The following MUC4 variants were observed in gnomAD, a reference collection of about 807,000 sequenced individuals.
The protein encoded by MUC4 is mucin-4.
MUC4 carries 202 observed loss-of-function variants against 257.9 expected under a neutral mutation model. The observed-to-expected ratio is 0.78, with a 90% CI of 0.70 to 0.88. MUC4 has a LOEUF of 0.88. MUC4 is among the 40% of genes least tolerant of loss of function. The probability of loss-of-function intolerance (pLI) is 0.00; values close to 1 mark genes in which losing one functional copy is unlikely to be tolerated. For missense variants in MUC4, 5,976 were observed against 6,513.7 expected (o/e 0.92, Z 2.84); for synonymous variants, 2,351 against 2,757.1 (o/e 0.85, Z 4.62).
rs1347283959 is a variant in MUC4 at position 195,781,034 on chromosome 3, C to T, written c.10546G>A (p.Gly3516Ser). 1,169 of 1,508,662 alleles carry T rather than the reference C, an allele frequency of 7.7e-4. 139 individuals carry two copies. The African/African-American group carries it at 0.017, about 22-fold the overall frequency. 93.5% of individuals were successfully genotyped at this position (1,508,662 alleles called of 1,614,324 possible). Residue 3516 changes from glycine to serine, a missense_variant, in exon 2 of 25, where the codon GGT becomes AGT. Gly to Ser is a moderately conservative substitution (Grantham distance 56, BLOSUM62 0). This residue lies in a region of MUC4 where 297 missense variants were observed against 240.9 expected (regional missense o/e 1.23). Coordinates refer to ENST00000463781, the MANE Select transcript of MUC4 (RefSeq NM_018406.7). ...PVTGASSAST[G>S]HATPLPVTDT... is the part of the protein sequence containing the mutation. ...GTGACAGGAAGAGGGGTGGCGTGACCGGTGGATGCTGAGGAAGCGCCGGTG... is the reference window on the plus strand; with the variant it reads ...GTGACAGGAAGAGGGGTGGCGTGACTGGTGGATGCTGAGGAAGCGCCGGTG...
intron 19 of MUC4, chr3:195,753,832 C>T (rs1434865125): frequency 4.3e-6 from 1 of 230,704 alleles, no homozygotes; most frequent in African/African-American, 2.3e-5. Context: ...TCTGAAGATC[C>T]CCAGGGATCC....
At position 195,788,830 on chromosome 3, in the gene MUC4, C is replaced by T. The variant is rs372277800; in HGVS notation, c.2750G>A (p.Arg917Lys). ...CGCCAGGCTGATAGTGTCAGACCCTCTGCTGGTTCTTGTCCTCTGAGTCTG... is the reference window on the plus strand; with the variant it reads ...CGCCAGGCTGATAGTGTCAGACCCTTTGCTGGTTCTTGTCCTCTGAGTCTG... The part of the protein sequence containing the change: ...MAQTQRTRTS[R>K]GSDTISLASQ... The change falls in exon 2 of 25, where the codon AGA (arginine) becomes AAA (lysine). Residue 917 changes from arginine (R) to lysine (K), a missense_variant. Coordinates refer to ENST00000463781, the MANE Select transcript of MUC4 (RefSeq NM_018406.7). 115 of 1,613,902 alleles carry T rather than the reference C, an allele frequency of 7.1e-5. 1 individual carries two copies. The African/African-American group carries it at 1.3e-3, about 18-fold the overall frequency.
chr3:195,805,298 C>G (rs1314807461), intron 1 of MUC4, among the ~76,000 whole-genome samples: 1 of 152,176 alleles, frequency 6.6e-6, no homozygotes. Context: ...GTGGCAGCAC[C>G]CAGCCACTCT....
intron 18 of MUC4, among the ~76,000 whole-genome samples, chr3:195,756,662 TTTTC>T (rs1717735787): frequency 6.7e-6 from 1 of 148,862 alleles, no homozygotes; most frequent in Non-Finnish European, 1.5e-5. Context: ...TTTTCTTTTC[TTTTC>T]TTTTCTTTCT....
rs201319965 is a variant in MUC4, at chr3:195,781,583, T to C, written c.9997A>G (p.Ser3333Gly). ...TGHATPLHVT[S>G]PSSASTGDTT... Reference sequence around the variant, plus strand: ...TCACCTGTGGATGCTGAGGAAGGGCTGGTGACATGAAGAGGGGTGGCGTGA... The same window carrying C: ...TCACCTGTGGATGCTGAGGAAGGGCCGGTGACATGAAGAGGGGTGGCGTGA... Residue 3333 changes from serine to glycine, a missense_variant, in exon 2 of 25, where the codon AGC becomes GGC. Ser to Gly is a moderately conservative substitution (Grantham distance 56, BLOSUM62 0). Transcript: ENST00000463781. The C allele has an allele frequency of 5.5e-4, 330 of 604,852 alleles. 13 individuals carry two copies. Among genetic ancestry groups the C allele is most frequent in the South Asian group, 4.4e-3 (154 of 35,376 alleles). 37.5% of individuals were successfully genotyped at this position (604,852 alleles called of 1,614,324 possible). A position where few individuals can be genotyped will look rare whatever the true frequency, so the allele number is the denominator to read the frequency against.
At chr3:195,777,775 C>A (rs1226344699) in intron 3 of MUC4, among the ~76,000 whole-genome samples, 6 of 65,626 alleles carry the variant, frequency 9.1e-5, no homozygotes, top group Admixed American at 3.9e-4. Context: ...CCATACCTTC[C>A]ACACCCATAC....
chr3:195,774,043 G>T, intron 4 of MUC4, 129 bp downstream of exon 4: 3 of 1,236,708 alleles, frequency 2.4e-6, no homozygotes, highest in Non-Finnish European at 3.3e-6. Flanking sequence ...CATTAAGGAG[G>T]CTGTGGGGAT....
Position 195,750,916 on chromosome 3 carries a change from C to G in MUC4, c.15844G>C (p.Gly5282Arg), listed in dbSNP as rs115332872. ...GCTGTCACATCGCGCACGTCTTCCCCGGAGATGGGCTGGAAGACCACGTCG... is the reference window on the plus strand; with the variant it reads ...GCTGTCACATCGCGCACGTCTTCCCGGGAGATGGGCTGGAAGACCACGTCG... ...RNDVVFQPIS[G>R]EDVRDVTALN... Residue 5282 changes from glycine (G) to arginine (R), a missense_variant, in exon 23 of 25, where the codon GGG (glycine) becomes CGG (arginine). Gly to Arg is a moderately radical substitution (Grantham distance 125). Coordinates refer to ENST00000463781, the MANE Select transcript of MUC4 (RefSeq NM_018406.7). 1 of 1,613,776 alleles carries G rather than the reference C, an allele frequency of 6.2e-7. No individual in the cohort carries two copies. Among genetic ancestry groups the G allele is most frequent in the Non-Finnish European group, 8.5e-7 (1 of 1,179,928 alleles).
At chr3:195,766,071 C>T (rs1578042125) in intron 8 of MUC4, among the ~76,000 whole-genome samples, 1 of 152,192 alleles carries the variant, frequency 6.6e-6, no homozygotes, top group East Asian at 1.9e-4. Flanking sequence ...AACAATTCTC[C>T]TGCCTCAACC....
rs755765470 is a variant in MUC4, at chr3:195,762,266, G to C, written c.14345-12C>G. On this transcript the variant is annotated splice_polypyrimidine_tract_variant and intron_variant, in intron 13 of 24. Transcript: ENST00000463781. ...GAACGTCTCCTGGCCTGGAGCATCG[G>C]GAGGCAGCGGAGAGGAAGCCAGGTC... 12 of 1,561,734 alleles carry C rather than the reference G, an allele frequency of 7.7e-6. No individual in the cohort carries two copies. The highest frequency in any genetic ancestry group is 9.5e-6 in the Non-Finnish European group (11 of 1,152,674).
In MUC4 at chr3:195,782,925, G is replaced by T. The variant is rs879648866; in HGVS notation, c.8655C>A (p.Asp2885Glu). 2.7e-6 allele frequency: 4 copies of T among 1,499,966 alleles called. No individual in the cohort carries two copies. The highest frequency in any genetic ancestry group is 3.6e-6 in the Non-Finnish European group (4 of 1,118,248). The allele number at this position is 1,499,966 out of a possible 1,614,324, so 92.9% of individuals were successfully genotyped here. Reference protein sequence around the residue: ...TGHATPLPVTDASSVSTGHAT... With the variant: ...TGHATPLPVTEASSVSTGHAT... ...CGTGACCTGTGGACACTGAGGAAGC[G>T]TCGGTGACAGGAAGAGGGGTGGCAT... Residue 2885 changes from aspartate (D) to glutamate (E), a missense_variant, in exon 2 of 25, where the codon GAC (aspartate) becomes GAA (glutamate). By Grantham distance (45) the Asp-to-Glu change is conservative (BLOSUM62 2). This residue lies in a region of MUC4 where 228 missense variants were observed against 206.3 expected (regional missense o/e 1.11). Coordinates refer to ENST00000463781, the MANE Select transcript of MUC4 (RefSeq NM_018406.7).
chr3:195,769,420 A>C, intron 6 of MUC4: 1 of 442,248 alleles, frequency 2.3e-6, no homozygotes, highest in East Asian at 3.6e-5. Flanking sequence ...CTGGGTTACA[A>C]TTCAGTTAGA....
intron 1 of MUC4, among the ~76,000 whole-genome samples, chr3:195,794,286 T>G (rs1480135229): frequency 2.0e-5 from 3 of 151,930 alleles, no homozygotes; most frequent in Admixed American, 2.0e-4. Context: ...CCTTTTTTTT[T>G]CTCTTAGAAA....
intron 3 of MUC4, among the ~76,000 whole-genome samples, chr3:195,777,932 A>T: frequency 2.6e-5 from 4 of 151,132 alleles, no homozygotes; most frequent in South Asian, 2.1e-4. Context: ...TTCCACACCC[A>T]TACCTTCCAC....
chr3:195,793,449 C>G (rs993030863), intron 1 of MUC4, among the ~76,000 whole-genome samples: 1 of 151,706 alleles, frequency 6.6e-6, no homozygotes, highest in African/African-American at 2.4e-5. Context: ...TTGCAGTGAG[C>G]AGACATCATG....
chr3:195,766,289 G>C (rs188263051), intron 8 of MUC4, among the ~76,000 whole-genome samples: 1 of 152,172 alleles, frequency 6.6e-6, no homozygotes, highest in Non-Finnish European at 1.5e-5. Context: ...ATCTCACCTG[G>C]GTTCTCATTC....
intron 23 of MUC4, 195 bp downstream of exon 23, chr3:195,750,694 T>C: frequency 1.6e-6 from 1 of 611,438 alleles, no homozygotes; most frequent in Non-Finnish European, 2.9e-6. Flanking sequence ...TGAAGCTGTA[T>C]ACGTGTGACT....
chr3:195,776,280 C>T (rs1341473540), intron 3 of MUC4, among the ~76,000 whole-genome samples: 1 of 81,400 alleles, frequency 1.2e-5, no homozygotes, highest in Admixed American at 1.1e-4. Flanking sequence ...CCTTCCACAC[C>T]CATACCTTCC....
Position 195,785,067 on chromosome 3 carries a change from T to A in MUC4, c.6513A>T (p.Thr2171=), listed in dbSNP as rs763175522. The A allele has an allele frequency of 1.9e-6, 3 of 1,542,200 alleles. No individual in the cohort carries two copies. In the African/African-American group the frequency reaches 4.2e-5, roughly 22 times the overall value. ...TGACAGGAAGAGAGGTGGCGTGACC[T>A]GTGGATGCTGAGGAAGTGTCGGTGA... ...LPVTDTSSAS[T]GHATSLPVTD... The change falls in exon 2 of 25, where the codon ACA becomes ACT. Residue 2171 remains threonine, a synonymous_variant. Coordinates refer to ENST00000463781, the MANE Select transcript of MUC4 (RefSeq NM_018406.7).
Sources: gnomAD v4.1 joint callset for allele counts (sites outside exome capture counted in the v4.1 genomes callset) on GRCh38, gnomAD v4.1.1 for gene constraint, gnomAD v4.1.1 regional missense constraint, MANE v1.5 for transcripts, NCBI Gene and HGNC (gene_info 2026-07-23, HGNC 2026-07-21) for gene names.